Variants in CCNB3 observed in about 807,000 individuals in gnomAD.
CCNB3 encodes the protein G2/mitotic-specific cyclin-B3.
A neutral mutation model predicts 68.0 loss-of-function variants in CCNB3; 12 were observed. The ratio of observed to expected loss-of-function variants is 0.18; its 90% CI spans 0.11 to 0.29. The LOEUF (loss-of-function observed/expected upper bound fraction) is 0.29, where lower values mean the gene tolerates loss of function less well. Ranked by LOEUF, CCNB3 falls within the 10% of genes least tolerant of loss-of-function variation. The pLI, the probability that CCNB3 is intolerant of heterozygous loss-of-function variation, is 1.00. For missense variants in CCNB3, 904 were observed against 993.1 expected, an observed-to-expected ratio of 0.91 and a Z score of 1.21; for synonymous variants, 354 against 388.9, an observed-to-expected ratio of 0.91 and a Z score of 1.06.
At position 50,227,705 on chromosome X, in the gene CCNB3, TATATATATAAATATATAGAGAGATA is replaced by T. The variant is rs1935915858; in HGVS notation, c.-113+22770_-113+22794del. On this transcript the variant is annotated intron_variant, in intron 1 of 12. Transcript: ENST00000376042. Reference sequence around the variant, plus strand: ...TATATATAAATATATATAGAGAGAATATATATATAAATATATAGAGAGATAATATATATAAATATGTATAGAGAGA... The same window carrying T: ...TATATATAAATATATATAGAGAGAATATATATATAAATATGTATAGAGAGA... 5.1e-4 allele frequency among the ~76,000 whole-genome samples: 48 copies of T among 94,273 alleles called. No homozygotes were observed. The East Asian group carries it at 0.011, about 21-fold the overall frequency. 81.9% of individuals were successfully genotyped at this position (94,273 alleles called of 115,157 possible).
At chrX:50,332,929 C>G (rs938355511) in intron 8 of CCNB3, among the ~76,000 whole-genome samples, 2 of 111,630 alleles carry the variant, frequency 1.8e-5, no homozygotes, top group Non-Finnish European at 3.8e-5. Context: ...GAAGCCCCCC[C>G]GTAGTATAGG....
At chrX:50,299,175 C>T (rs1936562054) in intron 5 of CCNB3, among the ~76,000 whole-genome samples, 1 of 111,476 alleles carries the variant, frequency 9.0e-6, no homozygotes, top group South Asian at 3.8e-4. Flanking sequence ...CTTCTGCTAG[C>T]TTTTGAATGT....
intron 9 of CCNB3, among the ~76,000 whole-genome samples, chrX:50,342,838 C>A (rs782070415): frequency 9.0e-6 from 1 of 110,681 alleles, no homozygotes; most frequent in African/African-American, 3.3e-5. Flanking sequence ...TCTCAAGTAG[C>A]TAGGACTATA....
At position 50,309,483 on chromosome X, in the gene CCNB3, G is replaced by T. The variant is rs1921278709; in HGVS notation, c.1314G>T (p.Leu438Phe). The T allele has an allele frequency of 8.3e-7, 1 of 1,211,472 alleles. No homozygotes were observed. Among genetic ancestry groups the T allele is most frequent in the Non-Finnish European group, 1.1e-6 (1 of 895,380 alleles). Residue 438 changes from leucine (L) to phenylalanine (F), a missense_variant, in exon 6 of 13, where the codon TTG becomes TTT. Physicochemically the swap from Leu to Phe is conservative, Grantham distance 22. Around this residue, in one of 2 missense-constraint regions of CCNB3, gnomAD observed 619 missense variants for 609.8 expected, o/e 1.02. Transcript: ENST00000376042. ...KESFSQEPSA[L>F]QKKHTTQEEV... Reference sequence around the variant, plus strand: ...CCTTTTCCCAGGAACCATCTGCATTGCAAAAGAAGCACACCACTCAGGAGG... The same window carrying T: ...CCTTTTCCCAGGAACCATCTGCATTTCAAAAGAAGCACACCACTCAGGAGG...
At chrX:50,344,960 A>G (rs782043333) in intron 9 of CCNB3, among the ~76,000 whole-genome samples, 1 of 110,740 alleles carries the variant, frequency 9.0e-6, no homozygotes, top group South Asian at 3.9e-4. Flanking sequence ...CAAGGATTTC[A>G]AAGAACTTTA....
chrX:50,347,888 CAT>C, intron 11 of CCNB3, 113 bp downstream of exon 11: 1 of 733,100 alleles, frequency 1.4e-6, no homozygotes, highest in Non-Finnish European at 1.9e-6. Context: ...AAAACTGACA[CAT>C]ATTCACCACT....
At chrX:50,312,714 G>A in intron 7 of CCNB3, 82 bp downstream of exon 7, 1 of 605,798 alleles carries the variant, frequency 1.7e-6, no homozygotes, top group Non-Finnish European at 2.7e-6. Flanking sequence ...AAGTTGAAAG[G>A]GGTGGTAATA....
At chrX:50,226,317 CATATATATAGAA>C (rs1341010494) in intron 1 of CCNB3, among the ~76,000 whole-genome samples, 2 of 16,541 alleles carry the variant, frequency 1.2e-4, no homozygotes, top group East Asian at 4.2e-3. Flanking sequence ...AATATATAAA[CATATATATAGAA>C]ATATATATAT....
intron 1 of CCNB3, among the ~76,000 whole-genome samples, chrX:50,226,415 TATATATGTAGA>T (rs1307110896): frequency 5.2e-5 from 3 of 58,112 alleles, no homozygotes; most frequent in Admixed American, 2.6e-4. Flanking sequence ...ATATATAGAA[TATATATGTAGA>T]ATATATAAAA....
chrX:50,314,656 G>A (rs143953419), intron 8 of CCNB3, among the ~76,000 whole-genome samples: 1,271 of 111,752 alleles, frequency 0.011, 10 homozygotes, highest in Non-Finnish European at 0.018. Context: ...ACAGACCAAG[G>A]AATTGTGGTA....
intron 9 of CCNB3, among the ~76,000 whole-genome samples, chrX:50,342,660 T>C (rs781969686): frequency 1.9e-4 from 21 of 111,404 alleles, no homozygotes; most frequent in Non-Finnish European, 3.4e-4. Context: ...TGCTTGATAA[T>C]GATATAAACT....
At chrX:50,346,145 C>G (rs902011989) in intron 9 of CCNB3, among the ~76,000 whole-genome samples, 3 of 112,349 alleles carry the variant, frequency 2.7e-5, no homozygotes, top group Admixed American at 9.4e-5. Context: ...TGCTTAGGTT[C>G]CCTCTATGCC....
intron 3 of CCNB3, 48 bp downstream of exon 3, chrX:50,285,307 T>C: frequency 2.0e-6 from 2 of 978,319 alleles, no homozygotes; most frequent in Non-Finnish European, 2.9e-6. Flanking sequence ...AGTCTCTTCC[T>C]GTGTTGGCTC....
chrX:50,280,361 G>T (rs1227089886), intron 1 of CCNB3, among the ~76,000 whole-genome samples: 1 of 103,745 alleles, frequency 9.6e-6, no homozygotes, highest in East Asian at 2.9e-4. Flanking sequence ...CACAAATCAG[G>T]TGATTAATAA....
At chrX:50,209,159 G>A (rs1292935937) in intron 1 of CCNB3, among the ~76,000 whole-genome samples, 4 of 111,373 alleles carry the variant, frequency 3.6e-5, no homozygotes, top group East Asian at 2.8e-4. Context: ...TATATTTAAC[G>A]TGTACAGTTT....
chrX:50,282,610 C>T (rs996940109), intron 1 of CCNB3, among the ~76,000 whole-genome samples: 33 of 111,317 alleles, frequency 3.0e-4, no homozygotes, highest in Non-Finnish European at 5.8e-4. Flanking sequence ...CAGAGAGTGT[C>T]CTTTTATGAA....
At chrX:50,346,430 C>CTGG (rs782475242) in intron 9 of CCNB3, among the ~76,000 whole-genome samples, 16 of 111,527 alleles carry the variant, frequency 1.4e-4, no homozygotes, top group Admixed American at 3.8e-4. Context: ...TATCCTCTAT[C>CTGG]TGGTGGTGGT....
intron 1 of CCNB3, among the ~76,000 whole-genome samples, chrX:50,216,210 C>A (rs1253807315): frequency 9.2e-6 from 1 of 108,983 alleles, no homozygotes; most frequent in Non-Finnish European, 1.9e-5. Flanking sequence ...GCCTCAGCCT[C>A]CTAAAGTGCT....
chrX:50,286,867 C>T (rs1936249636), intron 3 of CCNB3, among the ~76,000 whole-genome samples: 1 of 111,812 alleles, frequency 8.9e-6, no homozygotes, highest in East Asian at 2.8e-4. Context: ...CCCGAACGGT[C>T]TCAATCACTT....
Sources: allele counts gnomAD v4.1 joint callset (sites outside exome capture counted in the v4.1 genomes callset), GRCh38; gene constraint gnomAD v4.1.1; regional missense constraint gnomAD v4.1.1; transcripts MANE v1.5; gene names NCBI Gene and HGNC (gene_info 2026-07-23, HGNC 2026-07-21).